EXOC6B: variants seen among roughly 807,000 people sequenced by gnomAD.
The protein encoded by EXOC6B is exocyst complex component 6B.
A neutral mutation model predicts 113.5 loss-of-function variants in EXOC6B; 54 were observed. That is an observed-to-expected ratio of 0.48 (90% CI 0.38 to 0.60). EXOC6B has a LOEUF of 0.60. EXOC6B is among the 20% of genes least tolerant of loss of function. The pLI, the probability that EXOC6B is intolerant of heterozygous loss-of-function variation, is 0.00. For missense variants in EXOC6B, 797 were observed against 977.5 expected, an observed-to-expected ratio of 0.82 and a Z score of 2.46; for synonymous variants, 357 against 339.0, an observed-to-expected ratio of 1.05 and a Z score of -0.58.
Position 72,669,738 on chromosome 2 carries a change from C to T in EXOC6B, c.669+48365G>A, listed in dbSNP as rs1675662097. ...GAAACGCGTGGAAGTTGTTTTATCACAATAATTAGTATGGTAGCCAGGCAC... is the reference window on the plus strand; with the variant it reads ...GAAACGCGTGGAAGTTGTTTTATCATAATAATTAGTATGGTAGCCAGGCAC... On this transcript the variant is annotated intron_variant, in intron 6 of 21. Coordinates refer to ENST00000272427, the MANE Select transcript of EXOC6B (RefSeq NM_015189.3). 1.3e-5 allele frequency among the ~76,000 whole-genome samples: 2 copies of T among 152,160 alleles called. 1 individual carries two copies. Among genetic ancestry groups the T allele is most frequent in the South Asian group, 4.1e-4 (2 of 4,822 alleles).
chr2:72,483,570 G>A (rs999454714), intron 16 of EXOC6B, among the ~76,000 whole-genome samples: 2 of 152,154 alleles, frequency 1.3e-5, no homozygotes, highest in East Asian at 1.9e-4. Flanking sequence ...TCAATTGGCT[G>A]TCAGTCACTT....
chr2:72,391,212 A>G (rs1435412261), intron 18 of EXOC6B, among the ~76,000 whole-genome samples: 1 of 152,182 alleles, frequency 6.6e-6, no homozygotes, highest in Non-Finnish European at 1.5e-5. Flanking sequence ...TATTTTGTAC[A>G]GTATTCTAGA....
At chr2:72,750,671 A>G (rs1014442488) in intron 1 of EXOC6B, among the ~76,000 whole-genome samples, 2 of 152,096 alleles carry the variant, frequency 1.3e-5, no homozygotes, top group African/African-American at 4.8e-5. Flanking sequence ...TTGAAAGCAC[A>G]TGCCAGCCTT....
intron 20 of EXOC6B, chr2:72,288,890 A>C (rs1685611772): frequency 9.1e-6 from 2 of 220,882 alleles, no homozygotes; most frequent in Admixed American, 9.5e-5. Context: ...AAAATCATTG[A>C]AAATCACAGA....
chr2:72,272,932 G>T (rs1393240965), intron 20 of EXOC6B, among the ~76,000 whole-genome samples: 1 of 152,124 alleles, frequency 6.6e-6, no homozygotes, highest in Non-Finnish European at 1.5e-5. Context: ...CTAAGGAAAA[G>T]TGTTCATTTT....
At position 72,518,073 on chromosome 2, in the gene EXOC6B, A is replaced by G. The variant is rs568739367; in HGVS notation, c.916-2947T>C. ...TCAATACTTAAAGGTGGAATTTGAG[A>G]CGTAGATGTTTGACCAGTCCAGTTG... is the stretch of plus-strand genomic sequence containing the variant. On this transcript the variant is annotated intron_variant, in intron 8 of 21. Coordinates refer to ENST00000272427, the MANE Select transcript of EXOC6B (RefSeq NM_015189.3). 3.8e-3 allele frequency among the ~76,000 whole-genome samples: 580 copies of G among 152,280 alleles called. 4 individuals carry two copies. The highest frequency in any genetic ancestry group is 7.9e-3 in the South Asian group (38 of 4,828).
intron 7 of EXOC6B, among the ~76,000 whole-genome samples, chr2:72,567,623 AGAACTCT>A (rs1704261476): frequency 2.0e-5 from 3 of 152,158 alleles, no homozygotes; most frequent in Non-Finnish European, 4.4e-5. Flanking sequence ...AAAAGAAATT[AGAACTCT>A]CTGAAGAAAC....
intron 6 of EXOC6B, among the ~76,000 whole-genome samples, chr2:72,626,988 T>C (rs1558858224): frequency 6.6e-6 from 1 of 152,170 alleles, no homozygotes; most frequent in African/African-American, 2.4e-5. Context: ...TTCTTTTTAA[T>C]GAGCCTAAAT....
intron 18 of EXOC6B, among the ~76,000 whole-genome samples, chr2:72,386,396 G>T (rs938194131): frequency 2.6e-5 from 4 of 152,184 alleles, no homozygotes; most frequent in Non-Finnish European, 5.9e-5. Context: ...GAAGGTAAGT[G>T]TTGATAGCCA....
chr2:72,532,210 C>T (rs1024884448), intron 8 of EXOC6B, among the ~76,000 whole-genome samples: 3 of 152,002 alleles, frequency 2.0e-5, no homozygotes, highest in Non-Finnish European at 4.4e-5. Context: ...ACGTTCTATG[C>T]ATATACAAAA....
intron 8 of EXOC6B, among the ~76,000 whole-genome samples, chr2:72,520,875 T>C (rs1701445616): frequency 6.6e-6 from 1 of 152,172 alleles, no homozygotes; most frequent in African/African-American, 2.4e-5. Context: ...ATTTTGAATA[T>C]TCTCCAGCAC....
chr2:72,761,984 G>A (rs1682765770), intron 1 of EXOC6B, among the ~76,000 whole-genome samples: 3 of 151,956 alleles, frequency 2.0e-5, no homozygotes, highest in African/African-American at 7.2e-5. Context: ...GGTGGCTCAT[G>A]CCTGTAATCC....
At chr2:72,823,290 C>T (rs1686681617) in intron 1 of EXOC6B, among the ~76,000 whole-genome samples, 1 of 150,734 alleles carries the variant, frequency 6.6e-6, no homozygotes, top group African/African-American at 2.4e-5. Context: ...GGCAAAAGAC[C>T]TCTTAATCCA....
chr2:72,694,616 A>C (rs901831795), intron 6 of EXOC6B, among the ~76,000 whole-genome samples: 1 of 152,164 alleles, frequency 6.6e-6, no homozygotes, highest in African/African-American at 2.4e-5. Context: ...TATTATTTCC[A>C]TATGGGTTTT....
intron 20 of EXOC6B, among the ~76,000 whole-genome samples, chr2:72,293,603 T>C (rs1363158508): frequency 2.6e-5 from 4 of 152,144 alleles, no homozygotes; most frequent in East Asian, 1.9e-4. Context: ...ATAGGGCTAA[T>C]AGGTATCTGG....
At chr2:72,261,607 A>C (rs1683721735) in intron 20 of EXOC6B, among the ~76,000 whole-genome samples, 1 of 152,148 alleles carries the variant, frequency 6.6e-6, no homozygotes, top group African/African-American at 2.4e-5. Context: ...TGAGAACTCC[A>C]GCTATTGTCA....
intron 8 of EXOC6B, among the ~76,000 whole-genome samples, chr2:72,531,329 A>C (rs1701990294): frequency 6.6e-6 from 1 of 152,192 alleles, no homozygotes. Flanking sequence ...TCCAGGGAAG[A>C]GTAGAAACCT....
chr2:72,702,093 C>T (rs558443483), intron 6 of EXOC6B, among the ~76,000 whole-genome samples: 8 of 150,050 alleles, frequency 5.3e-5, no homozygotes, highest in Non-Finnish European at 1.0e-4. Context: ...CACAACAGTC[C>T]CCAGAGTGTG....
At chr2:72,505,664 T>C (rs1194553187) in intron 11 of EXOC6B, among the ~76,000 whole-genome samples, 1 of 152,140 alleles carries the variant, frequency 6.6e-6, no homozygotes, top group Non-Finnish European at 1.5e-5. Context: ...TAATAACTCT[T>C]CCAAACAATG....
Sources: gnomAD v4.1 joint callset for allele counts (sites outside exome capture counted in the v4.1 genomes callset) on GRCh38, gnomAD v4.1.1 for gene constraint, MANE v1.5 for transcripts, NCBI Gene and HGNC (gene_info 2026-07-23, HGNC 2026-07-21) for gene names.